MDFIC: variants seen among roughly 807,000 people sequenced by gnomAD.
The protein encoded by MDFIC is myoD family inhibitor domain-containing protein.
MDFIC carries 17 observed loss-of-function variants against 23.2 expected under a neutral mutation model. That is an observed-to-expected ratio of 0.73 (90% CI 0.50 to 1.10). The LOEUF is 1.10. Among genes scored for constraint, MDFIC ranks in the 50% least tolerant of loss-of-function variants. The probability of loss-of-function intolerance (pLI) is 0.00; values close to 1 mark genes in which losing one functional copy is unlikely to be tolerated. For synonymous variants in MDFIC, 120 were observed against 115.2 expected (o/e 1.04, Z -0.27); for missense variants, 356 against 316.6 (o/e 1.12, Z -0.95).
chr7:114,940,726 A>T (rs1792521005), intron 2 of MDFIC, among the ~76,000 whole-genome samples: 1 of 152,186 alleles, frequency 6.6e-6, no homozygotes. Context: ...TTCATAAGTC[A>T]TTGTATCCTC....
chr7:114,983,883 G>A (rs1365398461), intron 4 of MDFIC, among the ~76,000 whole-genome samples: 7 of 152,042 alleles, frequency 4.6e-5, no homozygotes, highest in Admixed American at 4.6e-4. Context: ...TGCCTTCTAT[G>A]TGCTACTTGC....
chr7:114,995,821 G>A (rs984745707), intron 4 of MDFIC, among the ~76,000 whole-genome samples: 8 of 152,148 alleles, frequency 5.3e-5, no homozygotes, highest in African/African-American at 1.4e-4. Context: ...CAGTCTGTCC[G>A]TTCTCAGATC....
intron 2 of MDFIC, among the ~76,000 whole-genome samples, chr7:114,932,413 AAG>A (rs1238210096): frequency 1.3e-5 from 2 of 152,224 alleles, no homozygotes; most frequent in Non-Finnish European, 1.5e-5. Flanking sequence ...AAAGAAAATA[AAG>A]AGTTGAAGGT....
In MDFIC at chr7:115,016,007, T is replaced by C; in HGVS notation, c.*72T>C. The C allele has an allele frequency of 7.0e-7, 1 of 1,434,800 alleles. No individual in the cohort carries two copies. Among genetic ancestry groups the C allele is most frequent in the African/African-American group, 1.4e-5 (1 of 70,710 alleles). The allele number at this position is 1,434,800 out of a possible 1,614,324, so 88.9% of individuals were successfully genotyped here. A position where few individuals can be genotyped will look rare whatever the true frequency, so the allele number is the denominator to read the frequency against. On this transcript the variant is annotated 3_prime_UTR_variant, in exon 5 of 5. Coordinates refer to ENST00000393486, the MANE Select transcript of MDFIC (RefSeq NM_001166345.3). ...TCCTTTTGGGGGGAAGAAAAGCACA[T>C]TGTAAGATTCTCATGAAACAACATG...
intron 4 of MDFIC, among the ~76,000 whole-genome samples, chr7:114,992,767 A>AT (rs1409878599): frequency 1.3e-5 from 2 of 151,990 alleles, no homozygotes; most frequent in Admixed American, 1.3e-4. Context: ...TTTACTGAGG[A>AT]TTTTTGCATA....
At chr7:114,963,054 G>A (rs1377185149) in intron 3 of MDFIC, among the ~76,000 whole-genome samples, 1 of 152,114 alleles carries the variant, frequency 6.6e-6, no homozygotes, top group Non-Finnish European at 1.5e-5. Flanking sequence ...ATATACAGTT[G>A]ATGGCCCCTT....
rs1319495287 is a variant in MDFIC at position 114,944,845 on chromosome 7, G to C, written c.217+2448G>C. ...GGAACATCTGTGTTGAGTCAGGCCC[G>C]AGCTGGCTCCGATTCCAGGAGTCCT... On this transcript the variant is annotated intron_variant, in intron 3 of 4. Transcript: ENST00000393486. 3.3e-5 allele frequency among the ~76,000 whole-genome samples: 5 copies of C among 152,192 alleles called. No homozygotes were observed. The East Asian group carries it at 9.6e-4, about 29-fold the overall frequency.
chr7:114,987,960 A>C (rs1481290194), intron 4 of MDFIC, among the ~76,000 whole-genome samples: 3 of 152,214 alleles, frequency 2.0e-5, no homozygotes, highest in Non-Finnish European at 4.4e-5. Context: ...AGGAGCAAAG[A>C]AACTATTTTA....
intron 2 of MDFIC, among the ~76,000 whole-genome samples, chr7:114,933,415 T>C (rs1345300158): frequency 2.6e-5 from 4 of 152,144 alleles, no homozygotes; most frequent in Non-Finnish European, 5.9e-5. Flanking sequence ...TGGGCCACCA[T>C]GCCCAGCTAA....
intron 4 of MDFIC, among the ~76,000 whole-genome samples, chr7:114,982,804 G>T (rs1184914787): frequency 6.6e-6 from 1 of 152,192 alleles, no homozygotes. Context: ...GGTGCTGGCA[G>T]GTTAGGTTGT....
At chr7:114,984,208 A>T (rs962084649) in intron 4 of MDFIC, among the ~76,000 whole-genome samples, 29 of 152,136 alleles carry the variant, frequency 1.9e-4, no homozygotes, top group Non-Finnish European at 1.0e-4. Context: ...CTTAGTATAC[A>T]TTTGCCTCTT....
intron 3 of MDFIC, among the ~76,000 whole-genome samples, chr7:114,975,130 T>C (rs1292527224): frequency 6.6e-6 from 1 of 152,052 alleles, no homozygotes; most frequent in African/African-American, 2.4e-5. Context: ...TTTAGAATGA[T>C]ATAACAGATG....
rs1187616159 is a variant in MDFIC at position 115,017,005 on chromosome 7, G to T, written c.*1070G>T. On this transcript the variant is annotated 3_prime_UTR_variant, in exon 5 of 5. Coordinates refer to ENST00000393486, the MANE Select transcript of MDFIC (RefSeq NM_001166345.3). Reference sequence around the variant, plus strand: ...AATTGCTACCAGAATATTCAGTAAGGTTTCAGGGAGAATGTGGCATTTGAG... The same window carrying T: ...AATTGCTACCAGAATATTCAGTAAGTTTTCAGGGAGAATGTGGCATTTGAG... The T allele has an allele frequency of 6.6e-6, 1 of 152,186 alleles. No individual in the cohort carries two copies. Among genetic ancestry groups the T allele is most frequent in the Non-Finnish European group, 1.5e-5 (1 of 68,028 alleles). 9.4% of individuals were successfully genotyped at this position (152,186 alleles called of 1,614,324 possible). A position where few individuals can be genotyped will look rare whatever the true frequency, so the allele number is the denominator to read the frequency against.
intron 3 of MDFIC, among the ~76,000 whole-genome samples, chr7:114,958,558 C>T (rs1792926855): frequency 6.6e-6 from 1 of 152,144 alleles, no homozygotes; most frequent in Non-Finnish European, 1.5e-5. Context: ...CGAGACCAGC[C>T]TGGCCAATGT....
At chr7:114,994,200 T>G (rs1199126704) in intron 4 of MDFIC, among the ~76,000 whole-genome samples, 1 of 152,206 alleles carries the variant, frequency 6.6e-6, no homozygotes, top group Non-Finnish European at 1.5e-5. Flanking sequence ...TCTATTTGCT[T>G]GGTAGATCTT....
Position 114,922,251 on chromosome 7 carries a change from G to T in MDFIC, c.-493G>T, listed in dbSNP as rs1180564317. ...GCCGCTCCCAGCATCGGGGCCGCTA[G>T]CCAAGAGTTCGAGGCCTTCCCGATC... is the stretch of plus-strand genomic sequence containing the variant. On this transcript the variant is annotated 5_prime_UTR_variant, in exon 1 of 5. Coordinates refer to ENST00000393486, the MANE Select transcript of MDFIC (RefSeq NM_001166345.3). 2 of 626,748 alleles carry T rather than the reference G, an allele frequency of 3.2e-6. No individual in the cohort carries two copies. The highest frequency in any genetic ancestry group is 4.6e-6 in the Non-Finnish European group (2 of 436,168). The allele number at this position is 626,748 out of a possible 1,614,324, so 38.8% of individuals were successfully genotyped here.
chr7:114,948,911 A>T (rs1792705180), intron 3 of MDFIC, among the ~76,000 whole-genome samples: 1 of 152,130 alleles, frequency 6.6e-6, no homozygotes, highest in South Asian at 2.1e-4. Flanking sequence ...CAATTTATGG[A>T]AGTAGATGTT....
At chr7:114,941,364 G>A (rs575221581) in intron 2 of MDFIC, among the ~76,000 whole-genome samples, 71 of 151,970 alleles carry the variant, frequency 4.7e-4, no homozygotes, top group Non-Finnish European at 7.2e-4. Context: ...TCAAACCTTC[G>A]CAGTCTTCTG....
rs187115740 is a variant in MDFIC at position 114,955,106 on chromosome 7, C to T, written c.217+12709C>T. On this transcript the variant is annotated intron_variant, in intron 3 of 4. Transcript: ENST00000393486. ...TCTCACAACACCCTTTCCTTTTTAG[C>T]TGTTGCCACAATTTGTAATTTATTT... Among the ~76,000 whole-genome samples the T allele has an allele frequency of 3.3e-5, 5 of 152,238 alleles. No homozygotes were observed. In the East Asian group the frequency reaches 9.7e-4, roughly 29 times the overall value.
Sources: allele counts gnomAD v4.1 joint callset (sites outside exome capture counted in the v4.1 genomes callset), GRCh38; gene constraint gnomAD v4.1.1; transcripts MANE v1.5; gene names NCBI Gene and HGNC (gene_info 2026-07-23, HGNC 2026-07-21).